SNX11: variants seen among roughly 807,000 people sequenced by gnomAD.
SNX11 encodes sorting nexin 11, also known as sorting nexin-11.
In SNX11, 19 loss-of-function variants were observed where a neutral mutation model predicts 30.7. The observed-to-expected ratio is 0.62, with a 90% CI of 0.43 to 0.91. The LOEUF is 0.91. Among genes scored for constraint, SNX11 ranks in the 40% least tolerant of loss-of-function variants. The pLI is 0.00. For synonymous variants in SNX11, 112 were observed against 119.0 expected, an observed-to-expected ratio of 0.94 and a Z score of 0.38; for missense variants, 302 against 326.7, an observed-to-expected ratio of 0.92 and a Z score of 0.58.
At chr17:48,118,090 A>T (rs2063563401) in intron 4 of SNX11, among the ~76,000 whole-genome samples, 1 of 152,180 alleles carries the variant, frequency 6.6e-6, no homozygotes, top group Non-Finnish European at 1.5e-5. Context: ...ATAGTCATAG[A>T]TCTGGTTCTG....
chr17:48,112,523 A>C, intron 2 of SNX11, 51 bp from the exon 3 acceptor site: 12 of 1,233,762 alleles, frequency 9.7e-6, no homozygotes, highest in Non-Finnish European at 1.2e-5. Context: ...CTGTGTTGTC[A>C]GAGCTGCCTT....
rs557232985 is a variant in SNX11, at chr17:48,112,066, C to T, written c.23C>T (p.Ser8Leu). Residue 8 changes from serine to leucine, a missense_variant, in exon 2 of 7, where the codon TCG (serine) becomes TTG (leucine). Ser to Leu is a moderately radical substitution (Grantham distance 145). Coordinates refer to ENST00000359238, the MANE Select transcript of SNX11 (RefSeq NM_013323.3). MGFWCRM[S>L]ENQEQEEVIT... Reference sequence around the variant, plus strand: ...CCAATGGGCTTTTGGTGTAGGATGTCGGAGAACCAAGAACAGGAGGTAAGA... The same window carrying T: ...CCAATGGGCTTTTGGTGTAGGATGTTGGAGAACCAAGAACAGGAGGTAAGA... 31 of 1,613,544 alleles carry T rather than the reference C, an allele frequency of 1.9e-5. No homozygotes were observed. Among genetic ancestry groups the T allele is most frequent in the Admixed American group, 6.7e-5 (4 of 59,986 alleles).
chr17:48,108,715 G>A (rs1015851253), intron 1 of SNX11, among the ~76,000 whole-genome samples: 1 of 152,232 alleles, frequency 6.6e-6, no homozygotes, highest in African/African-American at 2.4e-5. Flanking sequence ...ACTAAGTTAT[G>A]TAACTAGCTA....
chr17:48,118,927 G>C (rs747191246), intron 5 of SNX11, 47 bp from the exon 6 acceptor site: 1 of 1,589,342 alleles, frequency 6.3e-7, no homozygotes, highest in African/African-American at 1.3e-5. Flanking sequence ...ATGGAGAGCA[G>C]TTCCTCAGGG....
At chr17:48,112,221 G>A (rs1037790282) in intron 2 of SNX11, 136 bp downstream of exon 2, 1 of 854,260 alleles carries the variant, frequency 1.2e-6, no homozygotes, top group Non-Finnish European at 2.0e-6. Context: ...TCAGAATAAA[G>A]TCAGGAGAAA....
chr17:48,113,209 GCTC>G, intron 3 of SNX11, 89 bp from the exon 4 acceptor site: 1 of 1,050,956 alleles, frequency 9.5e-7, no homozygotes, highest in Middle Eastern at 2.1e-4. Flanking sequence ...TGATGGCATG[GCTC>G]CTCAGTGAAA....
At chr17:48,119,907 G>A (rs2063581487) in intron 6 of SNX11, among the ~76,000 whole-genome samples, 1 of 152,014 alleles carries the variant, frequency 6.6e-6, no homozygotes, top group Admixed American at 6.6e-5. Context: ...CATGAGTAGT[G>A]ACTCCCCTGT....
chr17:48,108,072 G>A (rs78652084), intron 1 of SNX11: 1,634 of 152,330 alleles, frequency 0.011, 13 homozygotes, highest in Middle Eastern at 0.041. Flanking sequence ...AAGCTTAATC[G>A]GAAAGAAAGA....
At chr17:48,117,580 T>G (rs2063558792) in intron 4 of SNX11, among the ~76,000 whole-genome samples, 1 of 151,204 alleles carries the variant, frequency 6.6e-6, no homozygotes, top group Admixed American at 6.6e-5. Context: ...AAAGGAGAGA[T>G]GAGGTTTCAC....
At chr17:48,119,978 C>G (rs1356618934) in intron 6 of SNX11, among the ~76,000 whole-genome samples, 11 of 152,054 alleles carry the variant, frequency 7.2e-5, no homozygotes, top group African/African-American at 2.4e-4. Context: ...ATGCATTTGT[C>G]TATTTTGGAC....
intron 1 of SNX11, chr17:48,111,800 C>A: frequency 1.9e-6 from 1 of 529,434 alleles, no homozygotes; most frequent in Non-Finnish European, 3.4e-6. Flanking sequence ...GAGAGGTGGC[C>A]TAGTTGAGGG....
intron 1 of SNX11, 27 bp from the exon 2 acceptor site, chr17:48,112,004 G>A: frequency 1.9e-6 from 3 of 1,584,670 alleles, no homozygotes; most frequent in Non-Finnish European, 2.6e-6. Flanking sequence ...TACTAACCTT[G>A]ATCCTGTATC....
At position 48,108,771 on chromosome 17, in the gene SNX11, C is replaced by T. The variant is rs148907855; in HGVS notation, c.-14+933C>T. Among the ~76,000 whole-genome samples, 225 of 152,302 alleles carry T rather than the reference C, an allele frequency of 1.5e-3. 1 individual carries two copies. Among genetic ancestry groups the T allele is most frequent in the Non-Finnish European group, 2.5e-3 (173 of 68,028 alleles). ...ATTTGGATGAAGTACAGATCCATCT[C>T]CCAGATCAGAGAACTAAAGTTAGGA... On this transcript the variant is annotated intron_variant, in intron 1 of 6. Transcript: ENST00000359238.
chr17:48,109,264 T>A (rs1284467955), intron 1 of SNX11, among the ~76,000 whole-genome samples: 1 of 110,668 alleles, frequency 9.0e-6, no homozygotes, highest in East Asian at 3.7e-4. Flanking sequence ...ACTGAAACTT[T>A]CTTTTTTTTT....
chr17:48,115,039 T>G (rs1438244000), intron 4 of SNX11, among the ~76,000 whole-genome samples: 2 of 149,352 alleles, frequency 1.3e-5, no homozygotes, highest in African/African-American at 4.9e-5. Context: ...ATTACAGACG[T>G]GAGCCACCAT....
intron 3 of SNX11, 46 bp downstream of exon 3, chr17:48,112,706 T>C (rs765287303): frequency 3.1e-6 from 4 of 1,278,224 alleles, no homozygotes; most frequent in Non-Finnish European, 4.5e-6. Context: ...TCTGCAGGGC[T>C]GAGGGGCTTG....
intron 1 of SNX11, among the ~76,000 whole-genome samples, chr17:48,108,966 T>C (rs930472878): frequency 7.9e-5 from 12 of 152,326 alleles, no homozygotes; most frequent in African/African-American, 2.9e-4. Flanking sequence ...AGGGTCTTGC[T>C]CTGTCGCCCA....
At chr17:48,115,066 T>TC (rs1481251664) in intron 4 of SNX11, among the ~76,000 whole-genome samples, 3 of 143,468 alleles carry the variant, frequency 2.1e-5, no homozygotes, top group African/African-American at 7.6e-5. Context: ...CCTTTTTTCT[T>TC]TTTTTTTTTT....
chr17:48,115,152 C>T (rs993044697), intron 4 of SNX11, among the ~76,000 whole-genome samples: 14 of 148,196 alleles, frequency 9.4e-5, no homozygotes, highest in African/African-American at 3.5e-4. Context: ...ACCTCAGCCT[C>T]CTGGGTTCAA....
Sources: gnomAD v4.1 joint callset for allele counts (sites outside exome capture counted in the v4.1 genomes callset) on GRCh38, gnomAD v4.1.1 for gene constraint, MANE v1.5 for transcripts, NCBI Gene and HGNC (gene_info 2026-07-23, HGNC 2026-07-21) for gene names.